Variants in FAM151A observed in about 807,000 individuals in gnomAD.
FAM151A encodes the protein protein FAM151A.
Under a neutral mutation model 40.4 loss-of-function variants are expected in FAM151A, and 41 were observed. The ratio of observed to expected loss-of-function variants is 1.01; its 90% confidence interval spans 0.79 to 1.32. The LOEUF (loss-of-function observed/expected upper bound fraction) is 1.32. Among genes scored for constraint, FAM151A ranks in the 40% most tolerant of loss-of-function variants. The probability of loss-of-function intolerance (pLI) is 0.00; values close to 1 mark genes in which losing one functional copy is unlikely to be tolerated. For synonymous variants in FAM151A, 337 were observed against 312.5 expected (o/e 1.08, Z -0.83); for missense variants, 740 against 740.4 (o/e 1.00, Z 0.01).
chr1:54,609,394 A>C lies in FAM151A; in HGVS notation c.1632T>G (p.Ala544=). The C allele has an allele frequency of 1.2e-6, 2 of 1,614,078 alleles. No homozygotes were observed. Among genetic ancestry groups the C allele is most frequent in the Non-Finnish European group, 1.7e-6 (2 of 1,180,024 alleles). ...RATVTVEHNP[A]GGDYASVRTA... Reference sequence around the variant, plus strand: ...TCCTCACAGAGGCATAGTCGCCCCCAGCTGGGTTGTGCTCCACTGTGACGG... The same window carrying C: ...TCCTCACAGAGGCATAGTCGCCCCCCGCTGGGTTGTGCTCCACTGTGACGG... The change falls in exon 8 of 8, where the codon GCT becomes GCG. Residue 544 remains alanine, a synonymous_variant. Coordinates refer to ENST00000302250, the MANE Select transcript of FAM151A (RefSeq NM_176782.3).
intron 5 of FAM151A, among the ~76,000 whole-genome samples, chr1:54,611,956 G>A (rs1198999578): frequency 6.6e-6 from 1 of 152,126 alleles, no homozygotes; most frequent in African/African-American, 2.4e-5. Context: ...AGGCCCAGGA[G>A]GGAGGGGGAG....
rs59983477 is a variant in FAM151A, at chr1:54,614,955, C to T, written c.416-96G>A. The T allele has an allele frequency of 1.7e-3, 1,522 of 895,240 alleles. 2 individuals carry two copies. The highest frequency in any genetic ancestry group is 2.0e-3 in the Non-Finnish European group (1,287 of 633,662). 55.5% of individuals were successfully genotyped at this position (895,240 alleles called of 1,614,324 possible). A position where few individuals can be genotyped will look rare whatever the true frequency, so the allele number is the denominator to read the frequency against. Reference sequence around the variant, plus strand: ...AGCAGAGCGGGTGTGTGTGTGTGTGCATGTGCGTGCACAGTGGAGTCAGGG... The same window carrying T: ...AGCAGAGCGGGTGTGTGTGTGTGTGTATGTGCGTGCACAGTGGAGTCAGGG... On this transcript the variant is annotated intron_variant, in intron 3 of 7. Transcript: ENST00000302250.
In FAM151A at chr1:54,610,443, GC is replaced by G. The variant is rs1644104920; in HGVS notation, c.1052del (p.Gly351AlafsTer8). The G allele has an allele frequency of 6.2e-7, 1 of 1,613,534 alleles. No individual in the cohort carries two copies. The highest frequency in any genetic ancestry group is 8.5e-7 in the Non-Finnish European group (1 of 1,179,744). On this transcript the variant is annotated frameshift_variant, in exon 7 of 8. Coordinates refer to ENST00000302250, the MANE Select transcript of FAM151A (RefSeq NM_176782.3). LOFTEE classifies it low-confidence loss of function (END_TRUNC). ...GGGTCATTGTTGCTGTTTTACCGCT[GC>G]CCTGGACGTCAGGAACCAGCCACTC... Reference protein sequence around the residue: ...NVEWLVPDVQGSGKTATMTLP... With the variant: ...NVEWLVPDVQXSGKTATMTLP...
chr1:54,610,376 G>C (rs1467698706), intron 7 of FAM151A, 36 bp downstream of exon 7: 1 of 1,605,204 alleles, frequency 6.2e-7, no homozygotes, highest in Non-Finnish European at 8.5e-7. Context: ...CCCTGCAGAT[G>C]AGCTGGGAGC....
chr1:54,612,405 CCTT>C, intron 5 of FAM151A, 78 bp downstream of exon 5: 1 of 1,032,312 alleles, frequency 9.7e-7, no homozygotes, highest in Middle Eastern at 2.2e-4. Flanking sequence ...CCTTTAAGAC[CCTT>C]CCAGCCATGA....
At chr1:54,612,835 G>C (rs1644133855) in intron 4 of FAM151A, 125 bp from the exon 5 acceptor site, 3 of 694,536 alleles carry the variant, frequency 4.3e-6, no homozygotes, top group Non-Finnish European at 7.3e-6. Flanking sequence ...CAGAAGCAGA[G>C]TCCCAAAGGA....
rs759252009 is a variant in FAM151A at position 54,614,803 on chromosome 1, G to T, written c.472C>A (p.Arg158=). ...KAVGPSLDLL[R]QLTEEGKVRR... is the part of the protein sequence containing the mutation. The stretch of plus-strand genomic sequence containing the variant: ...ACTTTGCCTTCCTCTGTCAGCTGCC[G>T]CAGGAGGTCCAGGGAGGGGCCCACT... The change falls in exon 4 of 8, where the codon CGG becomes AGG. Residue 158 remains arginine (R), a synonymous_variant. Transcript: ENST00000302250. 3.8e-5 allele frequency: 62 copies of T among 1,614,034 alleles called. No homozygotes were observed. Among genetic ancestry groups the T allele is most frequent in the Non-Finnish European group, 5.0e-5 (59 of 1,180,012 alleles).
Position 54,609,679 on chromosome 1 carries a change from G to T in FAM151A, c.1347C>A (p.His449Gln), listed in dbSNP as rs138880093. The T allele has an allele frequency of 4.3e-5, 70 of 1,614,010 alleles. 2 individuals are homozygous for T. In the South Asian group the frequency reaches 7.7e-4, roughly 18 times the overall value. Reference protein sequence around the residue: ...WPVWVGAKISHGSFSVPGHVA... With the variant: ...WPVWVGAKISQGSFSVPGHVA... ...CATGGCCGGGGACCGAAAAACTCCC[G>T]TGGGAGATTTTGGCCCCAACCCACA... The change falls in exon 8 of 8, where the codon CAC becomes CAA. Residue 449 changes from histidine to glutamine, a missense_variant. Coordinates refer to ENST00000302250, the MANE Select transcript of FAM151A (RefSeq NM_176782.3).
At chr1:54,613,328 G>A (rs994033849) in intron 4 of FAM151A, among the ~76,000 whole-genome samples, 6 of 151,938 alleles carry the variant, frequency 3.9e-5, no homozygotes, top group African/African-American at 1.5e-4. Flanking sequence ...GTGGTGAGCT[G>A]AGATCGTGCC....
Position 54,614,862 on chromosome 1 carries a change from G to A in FAM151A, c.416-3C>T, listed in dbSNP as rs1199799013. 1 of 1,613,160 alleles carries A rather than the reference G, an allele frequency of 6.2e-7. No homozygotes were observed. Among genetic ancestry groups the A allele is most frequent in the Admixed American group, 1.7e-5 (1 of 59,874 alleles). ...GTTCTTGAAGTCCAGTTTGATGCCTGTGGGGAAAGGAACAAGGGCTTGGGG... is the reference window on the plus strand; with the variant it reads ...GTTCTTGAAGTCCAGTTTGATGCCTATGGGGAAAGGAACAAGGGCTTGGGG... On this transcript the variant is annotated splice_polypyrimidine_tract_variant and splice_region_variant and intron_variant, in intron 3 of 7. Transcript: ENST00000302250.
chr1:54,614,968 AG>A, intron 3 of FAM151A, 109 bp from the exon 4 acceptor site: 1 of 1,077,312 alleles, frequency 9.3e-7, no homozygotes, highest in Non-Finnish European at 1.3e-6. Context: ...GTGCGTGCAC[AG>A]TGGAGTCAGG....
intron 4 of FAM151A, among the ~76,000 whole-genome samples, chr1:54,613,459 T>C (rs1644139792): frequency 6.6e-6 from 1 of 151,964 alleles, no homozygotes; most frequent in Non-Finnish European, 1.5e-5. Context: ...CATGTCTTTC[T>C]CTCTTTTCTT....
chr1:54,613,063 G>A (rs1557670356), intron 4 of FAM151A, among the ~76,000 whole-genome samples: 3 of 152,000 alleles, frequency 2.0e-5, no homozygotes, highest in African/African-American at 7.2e-5. Context: ...GGGAGTCTCT[G>A]AAGTTTCTCA....
chr1:54,623,385 C>T lies in FAM151A; in HGVS notation c.11G>A (p.Arg4Lys). 1 of 1,613,788 alleles carries T rather than the reference C, an allele frequency of 6.2e-7. No individual in the cohort carries two copies. The highest frequency in any genetic ancestry group is 8.5e-7 in the Non-Finnish European group (1 of 1,179,744). ...GACCTGATTCTTTGATAACTGCTCC[C>T]TGCAGACCATGGCGACGCTCTCTGG... MVC[R>K]EQLSKNQVKW... The change falls in exon 1 of 8, where the codon AGG (arginine) becomes AAG (lysine). Residue 4 changes from arginine (R) to lysine (K), a missense_variant. By Grantham distance (26) the Arg-to-Lys change is conservative. Transcript: ENST00000302250.
chr1:54,623,257 G>T (rs1166305036), intron 1 of FAM151A, 21 bp downstream of exon 1: 2 of 1,561,800 alleles, frequency 1.3e-6, no homozygotes, highest in Admixed American at 3.3e-5. Flanking sequence ...CACTCAGGAT[G>T]ACATGGGGGG....
chr1:54,609,763 G>A lies in FAM151A; in HGVS notation c.1263C>T (p.Leu421=). 6.2e-7 allele frequency: 1 copy of A among 1,614,188 alleles called. No individual in the cohort carries two copies. The highest frequency in any genetic ancestry group is 8.5e-7 in the Non-Finnish European group (1 of 1,180,030). The change falls in exon 8 of 8, where the codon CTC becomes CTT. Residue 421 remains leucine (L), a synonymous_variant. Transcript: ENST00000302250. ...GTGCCAGCAAGGCCAGGGATGGCCG[G>A]AGGGCTGCGGGCTCCGCTATTTGCA... ...IHLQIAEPAA[L]RPSLALLARL... is the part of the protein sequence containing the mutation.
chr1:54,612,632 G>T lies in FAM151A; in HGVS notation c.654C>A (p.Ser218=). The change falls in exon 5 of 8, where the codon TCC becomes TCA. Residue 218 remains serine (S), a synonymous_variant. Coordinates refer to ENST00000302250, the MANE Select transcript of FAM151A (RefSeq NM_176782.3). The stretch of plus-strand genomic sequence containing the variant: ...TGGCTTGGGTGTACGTCCTGTTTGG[G>T]GACGTGGACATGTAGAAGGTGGTCC... The part of the protein sequence containing the change: ...PGWTTFYMST[S]PNRTYTQAMV... 1 of 1,614,124 alleles carries T rather than the reference G, an allele frequency of 6.2e-7. No individual in the cohort carries two copies. The highest frequency in any genetic ancestry group is 8.5e-7 in the Non-Finnish European group (1 of 1,180,020).
rs753044317 is a variant in FAM151A, at chr1:54,614,825, C to CTGA, written c.449_450insTCA (p.Val150_Gly151insGln). ...GCCGCAGGAGGTCCAGGGAGGGGCCCACTGCCTTGATGTTCTTGAAGTCCA... is the reference window on the plus strand; with the variant it reads ...GCCGCAGGAGGTCCAGGGAGGGGCCCTGAACTGCCTTGATGTTCTTGAAGTCCA... On this transcript the variant is annotated inframe_insertion, in exon 4 of 8. Coordinates refer to ENST00000302250, the MANE Select transcript of FAM151A (RefSeq NM_176782.3). 18 of 1,614,154 alleles carry CTGA rather than the reference C, an allele frequency of 1.1e-5. No individual in the cohort carries two copies. The highest frequency in any genetic ancestry group is 1.4e-5 in the Non-Finnish European group (16 of 1,180,020).
Position 54,623,448 on chromosome 1 carries a change from G to A in FAM151A, c.-53C>T, listed in dbSNP as rs1040289492. Reference sequence around the variant, plus strand: ...ACTCCGTGCGGCCCAGAGTCCCTGAGGCTCCCTGCAGCTGGAATCCTGTGG... The same window carrying A: ...ACTCCGTGCGGCCCAGAGTCCCTGAAGCTCCCTGCAGCTGGAATCCTGTGG... On this transcript the variant is annotated 5_prime_UTR_variant, in exon 1 of 8. Coordinates refer to ENST00000302250, the MANE Select transcript of FAM151A (RefSeq NM_176782.3). 205 of 1,374,814 alleles carry A rather than the reference G, an allele frequency of 1.5e-4. No individual in the cohort carries two copies. Among genetic ancestry groups the A allele is most frequent in the Non-Finnish European group, 1.9e-4 (189 of 970,090 alleles). The allele number at this position is 1,374,814 out of a possible 1,614,324, so 85.2% of individuals were successfully genotyped here. A position where few individuals can be genotyped will look rare whatever the true frequency, so the allele number is the denominator to read the frequency against.
Sources: allele counts gnomAD v4.1 joint callset (sites outside exome capture counted in the v4.1 genomes callset), GRCh38; gene constraint gnomAD v4.1.1; transcripts MANE v1.5; gene names NCBI Gene and HGNC (gene_info 2026-07-23, HGNC 2026-07-21).